Variants in PAN2 observed in about 807,000 individuals in gnomAD.
PAN2 encodes poly(A) specific ribonuclease subunit PAN2.
Under a neutral mutation model 133.3 loss-of-function variants are expected in PAN2, and 68 were observed. The observed-to-expected ratio is 0.51, with a 90% CI of 0.42 to 0.62. PAN2 has a LOEUF of 0.62. Among genes scored for constraint, PAN2 ranks in the 20% least tolerant of loss-of-function variants. The probability of loss-of-function intolerance (pLI) is 0.00; values close to 1 mark genes in which losing one functional copy is unlikely to be tolerated. For synonymous variants in PAN2, 462 were observed against 544.6 expected, an observed-to-expected ratio of 0.85 and a Z score of 2.11; for missense variants, 1,042 against 1,500.5, an observed-to-expected ratio of 0.69 and a Z score of 5.05.
At chr12:56,320,304 C>T (rs543465040) in intron 20 of PAN2, among the ~76,000 whole-genome samples, 1 of 152,032 alleles carries the variant, frequency 6.6e-6, no homozygotes, top group Admixed American at 6.6e-5. Context: ...AAAAAGGTTA[C>T]AGAGAAACTA....
intron 2 of PAN2, among the ~76,000 whole-genome samples, chr12:56,331,722 G>T (rs12820118): frequency 0.053 from 6,930 of 131,092 alleles, 209 homozygotes; most frequent in Non-Finnish European, 0.077. Flanking sequence ...TTTGTTTTTT[G>T]TTTTTTTTTG....
In PAN2 at chr12:56,324,124, A is replaced by G; in HGVS notation, c.1990T>C (p.Cys664Arg). 1 of 1,614,160 alleles carries G rather than the reference A, an allele frequency of 6.2e-7. No individual in the cohort carries two copies. The highest frequency in any genetic ancestry group is 8.5e-7 in the Non-Finnish European group (1 of 1,180,032). ...GQLFSCEMEN[C>R]SLCRCGSETV... Reference sequence around the variant, plus strand: ...TCACTGCCACAGCGGCAGAGGCTGCAGTTCTCCATCTCACAGCTGAAGAGC... The same window carrying G: ...TCACTGCCACAGCGGCAGAGGCTGCGGTTCTCCATCTCACAGCTGAAGAGC... Residue 664 changes from cysteine to arginine, a missense_variant, in exon 13 of 26, where the codon TGC (cysteine) becomes CGC (arginine). Cys to Arg is a radical substitution (Grantham distance 180, BLOSUM62 -3). This residue lies in a region of PAN2 where 908 missense variants were observed against 1,223.5 expected (regional missense o/e 0.74). Coordinates refer to ENST00000440411, the MANE Select transcript of PAN2 (RefSeq NM_014871.6).
chr12:56,327,924 G>A, intron 5 of PAN2, 71 bp downstream of exon 5: 1 of 1,604,398 alleles, frequency 6.2e-7, no homozygotes, highest in East Asian at 2.2e-5. Flanking sequence ...AGAGTTAAGG[G>A]AAAGCAGATC....
rs1876114410 is a variant in PAN2 at position 56,333,309 on chromosome 12, G to A, written c.-114-101C>T. ...CAGGAGGGAGATGAGGCAGGCATGA[G>A]GGATGAGACTGCCAGCCAAAGGATG... On this transcript the variant is annotated intron_variant, in intron 1 of 25. Transcript: ENST00000440411. 5 of 574,832 alleles carry A rather than the reference G, an allele frequency of 8.7e-6. No individual in the cohort carries two copies. In the South Asian group the frequency reaches 1.1e-4, roughly 12 times the overall value. 35.6% of individuals were successfully genotyped at this position (574,832 alleles called of 1,614,324 possible).
intron 8 of PAN2, 127 bp downstream of exon 8, chr12:56,326,186 A>G: frequency 3.7e-6 from 3 of 803,882 alleles, no homozygotes; most frequent in East Asian, 5.4e-5. Context: ...CCTAACACCT[A>G]GCATAGTTCC....
At chr12:56,326,581 T>G (rs769435448) in intron 7 of PAN2, 36 bp downstream of exon 7, 1 of 1,573,938 alleles carries the variant, frequency 6.4e-7, no homozygotes, top group South Asian at 1.1e-5. Flanking sequence ...CCTTTCCCTG[T>G]CCCTCCCGCC....
Position 56,333,100 on chromosome 12 carries a change from C to A in PAN2, c.-6G>T, listed in dbSNP as rs1234468537. On this transcript the variant is annotated 5_prime_UTR_variant, in exon 2 of 26. Coordinates refer to ENST00000440411, the MANE Select transcript of PAN2 (RefSeq NM_014871.6). ...TCCAGACCCTCAAAGTTCATGATGA[C>A]GATGGCAGCTTACACCTGTGTCACA... 4 of 1,612,472 alleles carry A rather than the reference C, an allele frequency of 2.5e-6. No homozygotes were observed. Among genetic ancestry groups the A allele is most frequent in the Non-Finnish European group, 3.4e-6 (4 of 1,178,992 alleles).
At position 56,333,069 on chromosome 12, in the gene PAN2, C is replaced by T. The variant is rs770791043; in HGVS notation, c.26G>A (p.Gly9Glu). Residue 9 changes from glycine to glutamate, a missense_variant, in exon 2 of 26, where the codon GGA (glycine) becomes GAA (glutamate). By Grantham distance (98) the Gly-to-Glu change is moderately conservative. Around this residue, in one of 3 missense-constraint regions of PAN2, gnomAD observed 908 missense variants for 1,223.5 expected, o/e 0.74. Transcript: ENST00000440411. Reference sequence around the variant, plus strand: ...CATGGCTGGGGCATATTCTGCCAGTCCAGGGTCCAGACCCTCAAAGTTCAT... The same window carrying T: ...CATGGCTGGGGCATATTCTGCCAGTTCAGGGTCCAGACCCTCAAAGTTCAT... MNFEGLDP[G>E]LAEYAPAMHS... 4.8e-5 allele frequency: 77 copies of T among 1,613,926 alleles called. No individual in the cohort carries two copies. The highest frequency in any genetic ancestry group is 5.8e-5 in the Non-Finnish European group (69 of 1,180,018).
In PAN2 at chr12:56,319,582, A is replaced by C; in HGVS notation, c.3090+39T>G. 3 of 1,592,160 alleles carry C rather than the reference A, an allele frequency of 1.9e-6. No homozygotes were observed. Among genetic ancestry groups the C allele is most frequent in the Non-Finnish European group, 2.6e-6 (3 of 1,169,204 alleles). On this transcript the variant is annotated intron_variant, in intron 22 of 25. Coordinates refer to ENST00000440411, the MANE Select transcript of PAN2 (RefSeq NM_014871.6). This position sits in a 1 kb window ranked among gnomAD's most constrained non-coding sequence, Gnocchi z 5.4. The stretch of plus-strand genomic sequence containing the variant: ...GGGTTCTTGAGCACTGTAAGTAAGC[A>C]CCAGGGTGTGCCTCACTTGCATCTC...
intron 2 of PAN2, among the ~76,000 whole-genome samples, chr12:56,331,135 G>A (rs11613055): frequency 0.29 from 43,375 of 152,076 alleles, 6,933 homozygotes; most frequent in Non-Finnish European, 0.37. Context: ...AACACCTGAT[G>A]TATTGTAATG....
chr12:56,321,776 A>G (rs1340022643), intron 20 of PAN2, among the ~76,000 whole-genome samples: 1 of 151,154 alleles, frequency 6.6e-6, no homozygotes, highest in Non-Finnish European at 1.5e-5. Context: ...GCTTGAACCC[A>G]GGAGGCAGAG....
Position 56,333,459 on chromosome 12 carries a change from T to TTCTTCTCACTTCGGACTGC in PAN2, c.-114-270_-114-252dup, listed in dbSNP as rs1876135505. On this transcript the variant is annotated intron_variant, in intron 1 of 25. Transcript: ENST00000440411. ...ATCTAACCTAATCCTTGACTTCCCT[T>TTCTTCTCACTTCGGACTGC]TCTTCTCACTTCGGACTGCTCACTT... is the stretch of plus-strand genomic sequence containing the variant. 1.6e-5 allele frequency: 4 copies of TTCTTCTCACTTCGGACTGC among 245,180 alleles called. No homozygotes were observed. The South Asian group carries it at 2.6e-4, about 16-fold the overall frequency. 15.2% of individuals were successfully genotyped at this position (245,180 alleles called of 1,614,324 possible). A position where few individuals can be genotyped will look rare whatever the true frequency, so the allele number is the denominator to read the frequency against.
rs183997534 is a variant in PAN2, at chr12:56,322,098, T to C, written c.2768A>G (p.Asn923Ser). ...CTTACTGTTCAGGTTGTATCTGGAA[T>C]TGAGATTCCGTTTGACATAATAAAG... ...AILYYVKRNL[N>S]SRYNLNIKNP... is the part of the protein sequence containing the mutation. Residue 923 changes from asparagine to serine, a missense_variant, in exon 20 of 26, where the codon AAT (asparagine) becomes AGT (serine). This residue lies in a region of PAN2 where 908 missense variants were observed against 1,223.5 expected (regional missense o/e 0.74). Transcript: ENST00000440411. The C allele has an allele frequency of 1.1e-5, 17 of 1,603,276 alleles. No homozygotes were observed. The East Asian group carries it at 3.3e-4, about 32-fold the overall frequency.
In PAN2 at chr12:56,326,976, A is replaced by C. The variant is rs778381095; in HGVS notation, c.920-17T>G. ...GGCACTGCCCTACAAAGGAGGAAGA[A>C]ACCCACTGAGCCCTAGAAAGTGAAA... is the stretch of plus-strand genomic sequence containing the variant. On this transcript the variant is annotated splice_polypyrimidine_tract_variant and intron_variant, in intron 6 of 25. Transcript: ENST00000440411. 1 of 1,600,156 alleles carries C rather than the reference A, an allele frequency of 6.2e-7. No individual in the cohort carries two copies. The highest frequency in any genetic ancestry group is 1.7e-5 in the Admixed American group (1 of 59,656).
At chr12:56,332,244 A>G (rs1875963093) in intron 2 of PAN2, among the ~76,000 whole-genome samples, 2 of 152,212 alleles carry the variant, frequency 1.3e-5, no homozygotes, top group African/African-American at 4.8e-5. Flanking sequence ...TTGGATGGCT[A>G]CAGACTAAGT....
chr12:56,326,790 A>G lies in PAN2; in HGVS notation c.1089T>C (p.Pro363=), dbSNP rs149494988. 28 of 1,614,130 alleles carry G rather than the reference A, an allele frequency of 1.7e-5. No homozygotes were observed. In the African/African-American group the frequency reaches 3.2e-4, roughly 18 times the overall value. The change falls in exon 7 of 26, where the codon CCT becomes CCC. Residue 363 remains proline (P), a synonymous_variant. Transcript: ENST00000440411. ...TCTCACGGGAGTAGGGGTTGAAGGA[A>G]GGCTCCGGGGAATCAGTCCAGAGGT... is the stretch of plus-strand genomic sequence containing the variant. ...CVHLWTDSPE[P]SFNPYSRETE...
chr12:56,326,588 C>T (rs1296190113), intron 7 of PAN2, 29 bp downstream of exon 7: 5 of 1,584,474 alleles, frequency 3.2e-6, no homozygotes, highest in African/African-American at 1.3e-5. Context: ...CTGTCCCTCC[C>T]GCCTTTTGGC....
rs1055007918 is a variant in PAN2 at position 56,325,198 on chromosome 12, C to G, written c.1480-70G>C. The G allele has an allele frequency of 3.1e-6, 5 of 1,587,400 alleles. No homozygotes were observed. The African/African-American group carries it at 6.7e-5, about 21-fold the overall frequency. ...CCCCAAATCTTTCCAGTAGCCACAG[C>G]CTTTCCTAGAGCCTTCCTCCTGGGT... On this transcript the variant is annotated intron_variant, in intron 9 of 25. Coordinates refer to ENST00000440411, the MANE Select transcript of PAN2 (RefSeq NM_014871.6).
At chr12:56,324,804 A>G in intron 10 of PAN2, 95 bp from the exon 11 acceptor site, 2 of 1,494,196 alleles carry the variant, frequency 1.3e-6, no homozygotes, top group Non-Finnish European at 1.8e-6. Context: ...AATGTCCCAG[A>G]AGCAGGAGTC....
Sources: allele counts gnomAD v4.1 joint callset (sites outside exome capture counted in the v4.1 genomes callset), GRCh38; gene constraint gnomAD v4.1.1; regional missense constraint gnomAD v4.1.1; non-coding constraint Gnocchi (gnomAD v3.1); transcripts MANE v1.5; gene names NCBI Gene and HGNC (gene_info 2026-07-23, HGNC 2026-07-21).